AKR1D1: variants seen among roughly 807,000 people sequenced by gnomAD.
AKR1D1 encodes aldo-keto reductase family 1 member D1, also known as delta(4)-3-ketosteroid 5-beta-reductase.
In AKR1D1, 32 loss-of-function variants were observed where a neutral mutation model predicts 42.6. The observed-to-expected ratio is 0.75, with a 90% CI of 0.57 to 1.01. The LOEUF is 1.01. Ranked by LOEUF, AKR1D1 falls within the 50% of genes least tolerant of loss-of-function variation. AKR1D1 has a pLI of 0.00. For synonymous variants in AKR1D1, 123 were observed against 135.5 expected, an observed-to-expected ratio of 0.91 and a Z score of 0.64; for missense variants, 364 against 402.2, an observed-to-expected ratio of 0.91 and a Z score of 0.81.
intron 4 of AKR1D1, among the ~76,000 whole-genome samples, chr7:138,103,424 T>C (rs1445144775): frequency 1.3e-5 from 2 of 152,286 alleles, no homozygotes; most frequent in East Asian, 3.9e-4. Flanking sequence ...GTTATTGTCT[T>C]TATTAGAAAA....
chr7:138,111,672 C>G (rs778680800), intron 7 of AKR1D1, among the ~76,000 whole-genome samples: 5 of 152,166 alleles, frequency 3.3e-5, no homozygotes, highest in Admixed American at 6.5e-5. Flanking sequence ...AATCCACATA[C>G]GACAAGAAAA....
At chr7:138,116,180 TAAAAAAAAGA>T (rs1245334184) in intron 8 of AKR1D1, among the ~76,000 whole-genome samples, 1 of 151,450 alleles carries the variant, frequency 6.6e-6, no homozygotes, top group Non-Finnish European at 1.5e-5. Flanking sequence ...ATTCCATCTG[TAAAAAAAAGA>T]AGAAAAAAAT....
chr7:138,093,239 T>G (rs942309270), intron 3 of AKR1D1, among the ~76,000 whole-genome samples: 1 of 152,046 alleles, frequency 6.6e-6, no homozygotes, highest in South Asian at 2.1e-4. Context: ...CGGCTAAGTT[T>G]TGTATTTTTA....
At chr7:138,076,757 C>T (rs1802946507) in intron 1 of AKR1D1, 146 bp downstream of exon 1, 1 of 707,398 alleles carries the variant, frequency 1.4e-6, no homozygotes, top group East Asian at 2.7e-5. Flanking sequence ...AATGAAAGGA[C>T]TACTATTTAC....
At chr7:138,115,416 G>T (rs919494830) in intron 8 of AKR1D1, among the ~76,000 whole-genome samples, 1 of 152,114 alleles carries the variant, frequency 6.6e-6, no homozygotes, top group Non-Finnish European at 1.5e-5. Flanking sequence ...GACAGAGCAA[G>T]GCCCTGTCTC....
chr7:138,081,702 T>A (rs1803062550), intron 1 of AKR1D1, among the ~76,000 whole-genome samples: 1 of 151,880 alleles, frequency 6.6e-6, no homozygotes, highest in Non-Finnish European at 1.5e-5. Context: ...CTAATTTTTG[T>A]ATTTTTAGTA....
intron 2 of AKR1D1, chr7:138,091,199 T>C (rs1240004842): frequency 3.1e-5 from 5 of 160,316 alleles, no homozygotes; most frequent in Non-Finnish European, 6.9e-5. Flanking sequence ...TGTAAGTCTC[T>C]TGTGGTAGAT....
intron 1 of AKR1D1, among the ~76,000 whole-genome samples, chr7:138,082,420 T>C (rs1437044193): frequency 1.3e-5 from 2 of 152,078 alleles, no homozygotes; most frequent in Non-Finnish European, 2.9e-5. Context: ...CAGGCTGGAC[T>C]GCAGTGGTGC....
intron 3 of AKR1D1, among the ~76,000 whole-genome samples, chr7:138,092,266 A>C (rs1329627752): frequency 2.0e-5 from 3 of 152,176 alleles, no homozygotes; most frequent in Non-Finnish European, 4.4e-5. Flanking sequence ...TCAAACCAAC[A>C]TGTAGTCCTC....
chr7:138,111,118 A>G (rs1165410797), intron 7 of AKR1D1, among the ~76,000 whole-genome samples: 1 of 152,070 alleles, frequency 6.6e-6, no homozygotes, highest in Non-Finnish European at 1.5e-5. Flanking sequence ...TGCAATAACA[A>G]CTTCCTAATA....
intron 1 of AKR1D1, among the ~76,000 whole-genome samples, chr7:138,076,928 GT>G (rs562404719): frequency 1.8e-3 from 272 of 151,970 alleles, no homozygotes; most frequent in East Asian, 4.5e-3. Flanking sequence ...TATGACTTGT[GT>G]TTTTTTTATA....
chr7:138,098,961 GTGAAAAACTGA>G (rs1201445066), intron 4 of AKR1D1, among the ~76,000 whole-genome samples: 2 of 152,116 alleles, frequency 1.3e-5, no homozygotes, highest in African/African-American at 4.8e-5. Context: ...TTCTGAACTT[GTGAAAAACTGA>G]GGAAAAACAT....
rs575909882 is a variant in AKR1D1, at chr7:138,093,731, A to G, written c.378+1847A>G. Among the ~76,000 whole-genome samples the G allele has an allele frequency of 2.6e-5, 4 of 152,364 alleles. No homozygotes were observed. The East Asian group carries it at 5.8e-4, about 22-fold the overall frequency. On this transcript the variant is annotated intron_variant, in intron 3 of 8. Coordinates refer to ENST00000242375, the MANE Select transcript of AKR1D1 (RefSeq NM_005989.4). ...TGATAAAGTGTAGTAGAACAAATAT[A>G]TAAGTTGTATCCATAGTAAAAACAG...
chr7:138,081,197 A>T (rs1585718704), intron 1 of AKR1D1, among the ~76,000 whole-genome samples: 2 of 152,116 alleles, frequency 1.3e-5, no homozygotes, highest in African/African-American at 4.8e-5. Flanking sequence ...TGTCTACTTC[A>T]TGTATGTGGA....
chr7:138,109,169 G>A (rs1031779602), intron 7 of AKR1D1, among the ~76,000 whole-genome samples: 5 of 152,170 alleles, frequency 3.3e-5, no homozygotes, highest in Admixed American at 2.0e-4. Context: ...ACTGACATAG[G>A]AAGATAGCCA....
At chr7:138,078,472 T>C (rs1043963046) in intron 1 of AKR1D1, among the ~76,000 whole-genome samples, 1 of 152,210 alleles carries the variant, frequency 6.6e-6, no homozygotes, top group Non-Finnish European at 1.5e-5. Flanking sequence ...ACACCTCCCT[T>C]GTTTTTGGTA....
At chr7:138,111,425 A>G (rs1450257077) in intron 7 of AKR1D1, among the ~76,000 whole-genome samples, 1 of 152,204 alleles carries the variant, frequency 6.6e-6, no homozygotes, top group Non-Finnish European at 1.5e-5. Context: ...CCCTTGTCAA[A>G]GTTACCAGTG....
Position 138,107,515 on chromosome 7 carries a change from A to G in AKR1D1, c.790A>G (p.Ile264Val). ...AGCTCAAATTGTTTTGCGTTTCAACATCCAGCGAGGGGTGGTTGTCATTCC... is the reference window on the plus strand; with the variant it reads ...AGCTCAAATTGTTTTGCGTTTCAACGTCCAGCGAGGGGTGGTTGTCATTCC... The part of the protein sequence containing the change: ...TAAQIVLRFN[I>V]QRGVVVIPKS... The change falls in exon 7 of 9, where the codon ATC becomes GTC. Residue 264 changes from isoleucine to valine, a missense_variant. Ile to Val is a conservative substitution (Grantham distance 29, BLOSUM62 3). Transcript: ENST00000242375. The G allele has an allele frequency of 6.2e-7, 1 of 1,614,206 alleles. No individual in the cohort carries two copies. Among genetic ancestry groups the G allele is most frequent in the Middle Eastern group, 1.7e-4 (1 of 6,054 alleles).
Position 138,106,511 on chromosome 7 carries a change from T to A in AKR1D1, c.580-97T>A. ...TATAGTATGAAGGAGATTCTATTAA[T>A]AAAATGGATTTTATTGAAGAATTTT... is the stretch of plus-strand genomic sequence containing the variant. On this transcript the variant is annotated intron_variant, in intron 5 of 8. Coordinates refer to ENST00000242375, the MANE Select transcript of AKR1D1 (RefSeq NM_005989.4). The A allele has an allele frequency of 9.2e-6, 8 of 868,476 alleles. No homozygotes were observed. In the South Asian group the frequency reaches 1.1e-4, roughly 12 times the overall value. 53.8% of individuals were successfully genotyped at this position (868,476 alleles called of 1,614,324 possible).
Sources: gnomAD v4.1 joint callset for allele counts (sites outside exome capture counted in the v4.1 genomes callset) on GRCh38, gnomAD v4.1.1 for gene constraint, MANE v1.5 for transcripts, NCBI Gene and HGNC (gene_info 2026-07-23, HGNC 2026-07-21) for gene names.